Variants in GRM7 observed in about 807,000 individuals in gnomAD.
GRM7 encodes glutamate metabotropic receptor 7, also known as metabotropic glutamate receptor 7.
A neutral mutation model predicts 84.5 loss-of-function variants in GRM7; 35 were observed. The ratio of observed to expected loss-of-function variants is 0.41; its 90% CI spans 0.32 to 0.55. The LOEUF is 0.55. Ranked by LOEUF, GRM7 falls within the 20% of genes least tolerant of loss-of-function variation. The pLI, the probability that GRM7 is intolerant of heterozygous loss-of-function variation, is 0.19. For missense variants in GRM7, 1,003 were observed against 1,194.6 expected, an observed-to-expected ratio of 0.84 and a Z score of 2.36; for synonymous variants, 487 against 455.1, an observed-to-expected ratio of 1.07 and a Z score of -0.89.
chr3:7,379,458 C>A (rs1443140212), intron 4 of GRM7, among the ~76,000 whole-genome samples: 1 of 152,148 alleles, frequency 6.6e-6, no homozygotes, highest in Admixed American at 6.5e-5. Flanking sequence ...TAATGACTTG[C>A]CTAAGACTTA....
At chr3:7,169,509 C>A (rs1028017959) in intron 2 of GRM7, among the ~76,000 whole-genome samples, 21 of 152,104 alleles carry the variant, frequency 1.4e-4, no homozygotes, top group African/African-American at 5.1e-4. Context: ...TAGTGGGAAA[C>A]ACTGTGAAAA....
chr3:7,312,427 C>T (rs932996956), intron 4 of GRM7, among the ~76,000 whole-genome samples: 3 of 151,958 alleles, frequency 2.0e-5, no homozygotes, highest in Non-Finnish European at 4.4e-5. Flanking sequence ...AGGTGGACAA[C>T]CTTTGGGGAC....
At chr3:7,537,664 G>A (rs1692629030) in intron 7 of GRM7, among the ~76,000 whole-genome samples, 1 of 152,178 alleles carries the variant, frequency 6.6e-6, no homozygotes, top group Admixed American at 6.5e-5. Context: ...AATCTGTGCA[G>A]GCACTGGGTT....
intron 8 of GRM7, among the ~76,000 whole-genome samples, chr3:7,657,650 G>T (rs1038116905): frequency 5.3e-5 from 8 of 152,148 alleles, no homozygotes; most frequent in Non-Finnish European, 8.8e-5. Context: ...CATGAATGTG[G>T]AAGGGTTGAG....
intron 7 of GRM7, among the ~76,000 whole-genome samples, chr3:7,573,453 G>C (rs911180825): frequency 1.6e-4 from 25 of 152,226 alleles, no homozygotes; most frequent in African/African-American, 6.0e-4. Context: ...GAGTGTGTCT[G>C]CGTGGGGAAA....
intron 1 of GRM7, among the ~76,000 whole-genome samples, chr3:6,921,991 A>G (rs1280534674): frequency 6.6e-6 from 1 of 152,184 alleles, no homozygotes; most frequent in East Asian, 1.9e-4. Flanking sequence ...TTGTTGGTCA[A>G]TAAAGATCAC....
chr3:7,728,874 C>T (rs1027296322), intron 9 of GRM7, among the ~76,000 whole-genome samples: 3 of 152,084 alleles, frequency 2.0e-5, no homozygotes, highest in African/African-American at 7.2e-5. Flanking sequence ...GTTTAGAATC[C>T]CACTGTAGTA....
chr3:7,391,719 TATAAA>T (rs1349073018), intron 4 of GRM7, among the ~76,000 whole-genome samples: 1 of 147,034 alleles, frequency 6.8e-6, no homozygotes, highest in East Asian at 2.0e-4. Context: ...AATAAAAAAA[TATAAA>T]AAAGAAATGA....
intron 9 of GRM7, among the ~76,000 whole-genome samples, chr3:7,736,172 A>T (rs977750158): frequency 6.6e-6 from 1 of 152,186 alleles, no homozygotes; most frequent in Non-Finnish European, 1.5e-5. Flanking sequence ...TTCATCTACA[A>T]ATTGTCTATT....
intron 4 of GRM7, among the ~76,000 whole-genome samples, chr3:7,332,212 GA>G (rs1269859313): frequency 4.6e-5 from 7 of 152,114 alleles, no homozygotes; most frequent in African/African-American, 1.7e-4. Flanking sequence ...CAAATGTTTG[GA>G]ACTTACATAA....
chr3:7,619,487 C>G (rs1697260578), intron 8 of GRM7, among the ~76,000 whole-genome samples: 1 of 151,948 alleles, frequency 6.6e-6, no homozygotes, highest in Admixed American at 6.6e-5. Context: ...CCAAGACATT[C>G]CGGGCCTATA....
chr3:6,996,538 G>T lies in GRM7; in HGVS notation c.519+134631G>T, dbSNP rs144238490. Among the ~76,000 whole-genome samples, 158 of 152,256 alleles carry T rather than the reference G, an allele frequency of 1.0e-3. 2 individuals are homozygous for T. Among genetic ancestry groups the T allele is most frequent in the African/African-American group, 3.5e-3 (147 of 41,560 alleles). ...GACAATGTCATACTATTGGGAGTTT[G>T]CTCCTGAACGCTGTTTTCTAAAAAC... On this transcript the variant is annotated intron_variant, in intron 1 of 9. Transcript: ENST00000357716.
chr3:7,660,201 A>T (rs1473171210), intron 8 of GRM7, among the ~76,000 whole-genome samples: 2 of 152,248 alleles, frequency 1.3e-5, no homozygotes, highest in African/African-American at 4.8e-5. Context: ...GACATCTGGC[A>T]GTCACCGCTT....
At chr3:7,378,330 G>A (rs558630063) in intron 4 of GRM7, among the ~76,000 whole-genome samples, 2 of 152,286 alleles carry the variant, frequency 1.3e-5, no homozygotes, top group East Asian at 1.9e-4. Flanking sequence ...AAACACTGAT[G>A]TTTTAAGATA....
At chr3:7,571,561 T>C (rs1694659857) in intron 7 of GRM7, among the ~76,000 whole-genome samples, 1 of 152,220 alleles carries the variant, frequency 6.6e-6, no homozygotes, top group Admixed American at 6.5e-5. Flanking sequence ...CTGGATTTCA[T>C]TGTCCATATC....
intron 8 of GRM7, among the ~76,000 whole-genome samples, chr3:7,677,275 A>AC (rs1301467589): frequency 5.6e-4 from 57 of 101,386 alleles, no homozygotes; most frequent in African/African-American, 3.6e-3. Context: ...AAAAAAAAAA[A>AC]AAAAAAAAAA....
intron 5 of GRM7, among the ~76,000 whole-genome samples, chr3:7,435,734 C>T (rs1403326254): frequency 1.4e-5 from 2 of 138,972 alleles, no homozygotes; most frequent in African/African-American, 5.3e-5. Flanking sequence ...CTCCCCCAGG[C>T]TGGAGTGCAG....
intron 7 of GRM7, among the ~76,000 whole-genome samples, chr3:7,539,185 A>G (rs1273974650): frequency 6.6e-6 from 1 of 152,114 alleles, no homozygotes; most frequent in Non-Finnish European, 1.5e-5. Context: ...TGAGACTACA[A>G]TAGCTGGGTG....
In GRM7 at chr3:7,037,101, C is replaced by T. The variant is rs188915117; in HGVS notation, c.520-109351C>T. Among the ~76,000 whole-genome samples, 696 of 152,184 alleles carry T rather than the reference C, an allele frequency of 4.6e-3. 16 individuals carry two copies. The highest frequency in any genetic ancestry group is 0.029 in the Admixed American group (446 of 15,260). Reference sequence around the variant, plus strand: ...AGTACTTAGGAATACCTTTGGCCTTCGGTGAATTTTTAGAAATATTTAAAC... The same window carrying T: ...AGTACTTAGGAATACCTTTGGCCTTTGGTGAATTTTTAGAAATATTTAAAC... On this transcript the variant is annotated intron_variant, in intron 1 of 9. Transcript: ENST00000357716.
Sources: gnomAD v4.1 joint callset for allele counts (sites outside exome capture counted in the v4.1 genomes callset) on GRCh38, gnomAD v4.1.1 for gene constraint, MANE v1.5 for transcripts, NCBI Gene and HGNC (gene_info 2026-07-23, HGNC 2026-07-21) for gene names.